The following TANC1 variants were observed in gnomAD, a reference collection of about 807,000 sequenced individuals.
The protein encoded by TANC1 is protein TANC1.
A neutral mutation model predicts 149.7 loss-of-function variants in TANC1; 77 were observed. The ratio of observed to expected loss-of-function variants is 0.51; its 90% CI spans 0.43 to 0.62. The LOEUF (loss-of-function observed/expected upper bound fraction) is 0.62. TANC1 is among the 20% of genes least tolerant of loss of function. TANC1 has a pLI of 0.00. For missense variants in TANC1, 1,985 were observed against 2,321.8 expected, an observed-to-expected ratio of 0.85 and a Z score of 2.98; for synonymous variants, 854 against 925.0, an observed-to-expected ratio of 0.92 and a Z score of 1.39.
intron 11 of TANC1, 56 bp downstream of exon 11, chr2:159,172,328 T>A: frequency 1.9e-6 from 3 of 1,556,910 alleles, no homozygotes; most frequent in Non-Finnish European, 2.6e-6. Context: ...CTGGTTTGGT[T>A]TCTGAGAAGT....
chr2:159,136,381 C>T, intron 5 of TANC1, 83 bp downstream of exon 5: 1 of 816,698 alleles, frequency 1.2e-6, no homozygotes. Context: ...CTTGAGTGTC[C>T]TTGCAGTACT....
chr2:159,095,273 T>A (rs1217489447), intron 3 of TANC1, among the ~76,000 whole-genome samples: 2 of 152,192 alleles, frequency 1.3e-5, no homozygotes, highest in Non-Finnish European at 2.9e-5. Context: ...CTGTCTTGTT[T>A]CTTCAAATGC....
At chr2:159,154,507 T>C (rs555710220) in intron 7 of TANC1, among the ~76,000 whole-genome samples, 41 of 152,246 alleles carry the variant, frequency 2.7e-4, no homozygotes, top group Non-Finnish European at 5.3e-4. Flanking sequence ...TACAAGAATT[T>C]ACTGGGCCCC....
intron 2 of TANC1, among the ~76,000 whole-genome samples, chr2:159,048,485 A>C (rs1008314677): frequency 6.6e-6 from 1 of 152,210 alleles, no homozygotes; most frequent in Non-Finnish European, 1.5e-5. Context: ...AATGCCGTAC[A>C]GGAAAGTGCT....
chr2:159,214,029 G>A (rs1365997793), intron 19 of TANC1, among the ~76,000 whole-genome samples: 2 of 151,708 alleles, frequency 1.3e-5, no homozygotes, highest in Admixed American at 1.3e-4. Context: ...GGGAGGCTGA[G>A]GCAGGAGAAT....
At chr2:159,106,756 A>G (rs2149992596) in intron 4 of TANC1, among the ~76,000 whole-genome samples, 1 of 152,334 alleles carries the variant, frequency 6.6e-6, no homozygotes, top group African/African-American at 2.4e-5. Context: ...TTATTTTTTA[A>G]GTGGCTGTAC....
intron 3 of TANC1, among the ~76,000 whole-genome samples, chr2:159,085,416 A>G (rs1332609445): frequency 6.6e-6 from 1 of 152,186 alleles, no homozygotes; most frequent in Non-Finnish European, 1.5e-5. Context: ...GCTTAGCAAG[A>G]TGTCTGGCAC....
At chr2:159,036,730 G>A (rs1300066974) in intron 2 of TANC1, among the ~76,000 whole-genome samples, 7 of 152,186 alleles carry the variant, frequency 4.6e-5, no homozygotes, top group Non-Finnish European at 1.0e-4. Context: ...TGGTGTATAT[G>A]TGGCACATTT....
At position 159,229,755 on chromosome 2, in the gene TANC1, G is replaced by C. The variant is rs766936464; in HGVS notation, c.4329G>C (p.Glu1443Asp). The C allele has an allele frequency of 5.6e-6, 9 of 1,613,942 alleles. No homozygotes were observed. The highest frequency in any genetic ancestry group is 7.6e-6 in the Non-Finnish European group (9 of 1,179,976). ...PAPLNDSENE[E>D]DTPTPGLSDH... ...CACTCAACGACTCCGAGAACGAAGA[G>C]GACACCCCAACCCCTGGCTTAAGTG... is the stretch of plus-strand genomic sequence containing the variant. Residue 1443 changes from glutamate (E) to aspartate (D), a missense_variant, in exon 27 of 27, where the codon GAG becomes GAC. Physicochemically the swap from Glu to Asp is conservative, Grantham distance 45. Around this residue, in one of 3 missense-constraint regions of TANC1, gnomAD observed 920 missense variants for 994.7 expected, o/e 0.92. Coordinates refer to ENST00000263635, the MANE Select transcript of TANC1 (RefSeq NM_033394.3).
At chr2:159,101,242 A>G (rs1310502639) in intron 4 of TANC1, among the ~76,000 whole-genome samples, 1 of 152,216 alleles carries the variant, frequency 6.6e-6, no homozygotes, top group African/African-American at 2.4e-5. Context: ...TAATCCAGAA[A>G]CTGTTAGGGA....
At chr2:159,213,990 G>A (rs1447109722) in intron 19 of TANC1, among the ~76,000 whole-genome samples, 5 of 152,014 alleles carry the variant, frequency 3.3e-5, no homozygotes, top group Non-Finnish European at 7.4e-5. Flanking sequence ...GCCGGGCTTG[G>A]GGGCTCGTGC....
At chr2:159,168,540 G>A (rs961284440) in intron 8 of TANC1, among the ~76,000 whole-genome samples, 4 of 151,952 alleles carry the variant, frequency 2.6e-5, no homozygotes, top group Non-Finnish European at 4.4e-5. Flanking sequence ...GACCTCAAGC[G>A]ATCCACCCGC....
chr2:159,142,831 A>G (rs953232622), intron 5 of TANC1, among the ~76,000 whole-genome samples: 7 of 152,060 alleles, frequency 4.6e-5, no homozygotes, highest in African/African-American at 1.4e-4. Flanking sequence ...TGGGAGGCCA[A>G]GGCGGGCGGA....
chr2:159,163,999 T>C (rs2069035), intron 8 of TANC1, among the ~76,000 whole-genome samples: 34,155 of 152,100 alleles, frequency 0.22, 4,955 homozygotes, highest in Non-Finnish European at 0.34. Flanking sequence ...TTCTGTACAA[T>C]TTAGTTAAAA....
At chr2:159,076,618 G>T (rs1285347646) in intron 3 of TANC1, among the ~76,000 whole-genome samples, 1 of 152,202 alleles carries the variant, frequency 6.6e-6, no homozygotes, top group Admixed American at 6.5e-5. Flanking sequence ...ATCCATGGCT[G>T]CATGCTCTTA....
At chr2:159,061,725 G>A (rs962369793) in intron 2 of TANC1, among the ~76,000 whole-genome samples, 8 of 151,780 alleles carry the variant, frequency 5.3e-5, no homozygotes, top group Admixed American at 6.6e-5. Context: ...CCATGGGTGA[G>A]GAAAAGATAC....
At position 159,103,129 on chromosome 2, in the gene TANC1, C is replaced by T. The variant is rs1334122728; in HGVS notation, c.259+5295C>T. On this transcript the variant is annotated intron_variant, in intron 4 of 26. Coordinates refer to ENST00000263635, the MANE Select transcript of TANC1 (RefSeq NM_033394.3). ...CATATAACAAAATTGACCATCTTAA[C>T]CATTTAAGTGTACAGTTCAGTGGTA... is the stretch of plus-strand genomic sequence containing the variant. 3.1e-5 allele frequency among the ~76,000 whole-genome samples: 3 copies of T among 96,146 alleles called. 1 individual carries two copies. The highest frequency in any genetic ancestry group is 8.7e-5 in the Non-Finnish European group (3 of 34,532). 63.1% of individuals were successfully genotyped at this position (96,146 alleles called of 152,430 possible).
chr2:159,063,989 G>A (rs1053039138), intron 2 of TANC1, among the ~76,000 whole-genome samples: 7 of 152,126 alleles, frequency 4.6e-5, no homozygotes, highest in African/African-American at 1.7e-4. Context: ...GTTCACCAAG[G>A]CTTGGTGCAA....
intron 4 of TANC1, among the ~76,000 whole-genome samples, chr2:159,126,372 G>A (rs945574472): frequency 6.6e-6 from 1 of 152,072 alleles, no homozygotes; most frequent in African/African-American, 2.4e-5. Flanking sequence ...ACATTTCTGA[G>A]GCTTATTACA....
Sources: gnomAD v4.1 joint callset for allele counts (sites outside exome capture counted in the v4.1 genomes callset) on GRCh38, gnomAD v4.1.1 for gene constraint, gnomAD v4.1.1 regional missense constraint, MANE v1.5 for transcripts, NCBI Gene and HGNC (gene_info 2026-07-23, HGNC 2026-07-21) for gene names.